DOCK8: variants seen among roughly 807,000 people sequenced by gnomAD.
DOCK8 encodes the protein dedicator of cytokinesis 8, also known as dedicator of cytokinesis protein 8.
Under a neutral mutation model 245.6 loss-of-function variants are expected in DOCK8, and 141 were observed. The ratio of observed to expected loss-of-function variants is 0.57; its 90% CI spans 0.50 to 0.66. The LOEUF (loss-of-function observed/expected upper bound fraction) is 0.66. Among genes scored for constraint, DOCK8 ranks in the 30% least tolerant of loss-of-function variants. The pLI, the probability that DOCK8 is intolerant of heterozygous loss-of-function variation, is 0.00. For synonymous variants in DOCK8, 1,168 were observed against 970.2 expected, an observed-to-expected ratio of 1.20 and a Z score of -3.79; for missense variants, 2,965 against 2,603.4, an observed-to-expected ratio of 1.14 and a Z score of -3.02.
chr9:415,850 C>A (rs557415957), intron 29 of DOCK8, among the ~76,000 whole-genome samples: 6 of 152,322 alleles, frequency 3.9e-5, no homozygotes, highest in African/African-American at 1.4e-4. Context: ...TATAGTCAGT[C>A]ATCCTTGAAA....
At chr9:451,863 A>ATG (rs1255233420) in intron 45 of DOCK8, 148 bp from the exon 46 acceptor site, 6 of 241,248 alleles carry the variant, frequency 2.5e-5, no homozygotes, top group Admixed American at 7.6e-5. Flanking sequence ...ATTCATATAT[A>ATG]TGTGTGTGTA....
intron 1 of DOCK8, among the ~76,000 whole-genome samples, chr9:240,969 T>C (rs1444127697): frequency 6.6e-6 from 1 of 152,194 alleles, no homozygotes; most frequent in Non-Finnish European, 1.5e-5. Context: ...CTCTTATCTT[T>C]TAGAAAAGGG....
chr9:404,862 C>G, intron 26 of DOCK8, 56 bp from the exon 27 acceptor site: 1 of 1,602,036 alleles, frequency 6.2e-7, no homozygotes, highest in Non-Finnish European at 8.5e-7. Context: ...CTGCCAACCT[C>G]AACTCCACTT....
At chr9:455,060 C>T (rs1419950542) in intron 46 of DOCK8, among the ~76,000 whole-genome samples, 3 of 152,182 alleles carry the variant, frequency 2.0e-5, no homozygotes, top group Non-Finnish European at 2.9e-5. Context: ...GTTCTCCTAC[C>T]CTTTTAATGG....
Position 464,284 on chromosome 9 carries a change from T to TA in DOCK8, c.*71dup. 1 of 1,420,322 alleles carries TA rather than the reference T, an allele frequency of 7.0e-7. No individual in the cohort carries two copies. Among genetic ancestry groups the TA allele is most frequent in the Non-Finnish European group, 1.0e-6 (1 of 1,003,296 alleles). 88.0% of individuals were successfully genotyped at this position (1,420,322 alleles called of 1,614,324 possible). ...CCCTGGAGAAGGACTTGCTGGTACT[T>TA]AAAAAATGGGACATTTGCCACCCAG... On this transcript the variant is annotated 3_prime_UTR_variant, in exon 48 of 48. Coordinates refer to ENST00000432829, the MANE Select transcript of DOCK8 (RefSeq NM_203447.4).
chr9:367,271 A>G (rs141889690), intron 14 of DOCK8, among the ~76,000 whole-genome samples: 23 of 152,328 alleles, frequency 1.5e-4, no homozygotes, highest in African/African-American at 4.3e-4. Context: ...CCTTCATTCA[A>G]CAAACACTTA....
chr9:279,382 T>C (rs1322754710), intron 2 of DOCK8, among the ~76,000 whole-genome samples: 9 of 152,212 alleles, frequency 5.9e-5, no homozygotes, highest in Non-Finnish European at 2.9e-5. Context: ...TAAAAATGTA[T>C]ATTTAAAGCC....
chr9:432,096 C>T (rs2056734462), intron 36 of DOCK8, 70 bp from the exon 37 acceptor site: 7 of 1,544,448 alleles, frequency 4.5e-6, no homozygotes, highest in Non-Finnish European at 5.3e-6. Flanking sequence ...TCTGGCCATG[C>T]TGCTTTCAGT....
At chr9:222,051 G>A (rs1053788872) in intron 1 of DOCK8, among the ~76,000 whole-genome samples, 1 of 152,006 alleles carries the variant, frequency 6.6e-6, no homozygotes, top group Non-Finnish European at 1.5e-5. Flanking sequence ...GTTGAGCCCA[G>A]GAGTTCAAGA....
chr9:444,086 G>A (rs2057173499), intron 43 of DOCK8, among the ~76,000 whole-genome samples: 2 of 152,092 alleles, frequency 1.3e-5, no homozygotes, highest in Admixed American at 6.6e-5. Context: ...AACGGCTTGG[G>A]TTTGGGTTTC....
chr9:390,213 C>T (rs1275628762), intron 23 of DOCK8, among the ~76,000 whole-genome samples: 1 of 152,134 alleles, frequency 6.6e-6, no homozygotes, highest in Non-Finnish European at 1.5e-5. Flanking sequence ...GTTTCACTCC[C>T]AGGCTGAGTC....
At chr9:227,911 A>G (rs1321683018) in intron 1 of DOCK8, among the ~76,000 whole-genome samples, 1 of 152,194 alleles carries the variant, frequency 6.6e-6, no homozygotes, top group Non-Finnish European at 1.5e-5. Context: ...GTAGTATCAG[A>G]AAAGAGAGCT....
chr9:463,303 T>G (rs1290851874), intron 46 of DOCK8, among the ~76,000 whole-genome samples: 4 of 151,948 alleles, frequency 2.6e-5, no homozygotes, highest in Non-Finnish European at 5.9e-5. Flanking sequence ...CACAGAGATT[T>G]CTGGGTGCTA....
At chr9:272,930 T>C (rs928082006) in intron 2 of DOCK8, 3 of 551,580 alleles carry the variant, frequency 5.4e-6, no homozygotes, top group Non-Finnish European at 6.9e-6. Context: ...AGCAGCACTC[T>C]TGCTGGTTCT....
rs754621267 is a variant in DOCK8, at chr9:446,366, T to G, written c.5581-4T>G. On this transcript the variant is annotated splice_region_variant and splice_polypyrimidine_tract_variant and intron_variant, in intron 43 of 47. Transcript: ENST00000432829. The stretch of plus-strand genomic sequence containing the variant: ...CTTCTCCCTCCGTGCCTTTTCCCCC[T>G]TAGGCCTACATACAGATCACTTTTG... 6.8e-6 allele frequency: 11 copies of G among 1,612,966 alleles called. No individual in the cohort carries two copies. In the African/African-American group the frequency reaches 1.2e-4, roughly 18 times the overall value.
intron 44 of DOCK8, 89 bp downstream of exon 44, chr9:446,695 G>C: frequency 9.4e-6 from 11 of 1,171,282 alleles, no homozygotes; most frequent in Non-Finnish European, 1.4e-5. Flanking sequence ...CAGTGGATTG[G>C]ACTGAAAACA....
chr9:434,126 G>A lies in DOCK8; in HGVS notation c.4886+151G>A. 4.6e-6 allele frequency: 3 copies of A among 653,236 alleles called. 1 individual carries two copies. In the South Asian group the frequency reaches 5.2e-5, roughly 11 times the overall value. The allele number at this position is 653,236 out of a possible 1,614,324, so 40.5% of individuals were successfully genotyped here. The stretch of plus-strand genomic sequence containing the variant: ...ATATAGAAATTAAACATTCAGAGTA[G>A]GTTAATTCATATGTAAGTTTTCAGA... On this transcript the variant is annotated intron_variant, in intron 38 of 47. Coordinates refer to ENST00000432829, the MANE Select transcript of DOCK8 (RefSeq NM_203447.4).
At chr9:255,687 A>C (rs979187683) in intron 1 of DOCK8, among the ~76,000 whole-genome samples, 39 of 151,526 alleles carry the variant, frequency 2.6e-4, no homozygotes, top group African/African-American at 8.7e-4. Flanking sequence ...AAAAAAAAAA[A>C]AAAAAACAGC....
chr9:444,784 A>G (rs2057200717), intron 43 of DOCK8, among the ~76,000 whole-genome samples: 1 of 152,224 alleles, frequency 6.6e-6, no homozygotes, highest in Non-Finnish European at 1.5e-5. Context: ...TGTGCTAGGA[A>G]ATGGAGACAA....
Sources: gnomAD v4.1 joint callset for allele counts (sites outside exome capture counted in the v4.1 genomes callset) on GRCh38, gnomAD v4.1.1 for gene constraint, MANE v1.5 for transcripts, NCBI Gene and HGNC (gene_info 2026-07-23, HGNC 2026-07-21) for gene names.